The following TDRD3 variants were observed in gnomAD, a reference collection of about 807,000 sequenced individuals.
TDRD3 encodes the protein tudor domain containing 3, also known as tudor domain-containing protein 3.
Under a neutral mutation model 86.7 loss-of-function variants are expected in TDRD3, and 45 were observed. The ratio of observed to expected loss-of-function variants is 0.52; its 90% CI spans 0.41 to 0.67. The LOEUF (loss-of-function observed/expected upper bound fraction) is 0.67. Ranked by LOEUF, TDRD3 falls within the 30% of genes least tolerant of loss-of-function variation. The pLI is 0.00. For synonymous variants in TDRD3, 298 were observed against 301.7 expected, an observed-to-expected ratio of 0.99 and a Z score of 0.13; for missense variants, 814 against 889.0, an observed-to-expected ratio of 0.92 and a Z score of 1.07.
At chr13:60,542,840 T>G (rs1204334228) in intron 12 of TDRD3, among the ~76,000 whole-genome samples, 1 of 152,200 alleles carries the variant, frequency 6.6e-6, no homozygotes, top group African/African-American at 2.4e-5. Flanking sequence ...TTTTTACCTC[T>G]GGTGAGTGGT....
At chr13:60,442,065 C>G (rs906450083) in intron 2 of TDRD3, among the ~76,000 whole-genome samples, 1 of 152,256 alleles carries the variant, frequency 6.6e-6, no homozygotes, top group East Asian at 1.9e-4. Flanking sequence ...TGCCTCAGAT[C>G]TGCTATGTAA....
intron 5 of TDRD3, among the ~76,000 whole-genome samples, chr13:60,468,296 G>A (rs1019003968): frequency 3.3e-5 from 5 of 151,968 alleles, no homozygotes; most frequent in Non-Finnish European, 7.4e-5. Flanking sequence ...TTAATTAAAC[G>A]TTTTTCCATT....
chr13:60,397,769 G>C (rs1262060326), intron 1 of TDRD3, among the ~76,000 whole-genome samples: 2 of 151,806 alleles, frequency 1.3e-5, no homozygotes, highest in Non-Finnish European at 2.9e-5. Context: ...GGCTTCTCCG[G>C]GGAGGGGGTG....
chr13:60,490,526 T>C (rs1253225244), intron 7 of TDRD3, among the ~76,000 whole-genome samples: 1 of 152,140 alleles, frequency 6.6e-6, no homozygotes, highest in African/African-American at 2.4e-5. Context: ...ACATTGTACT[T>C]CATTCAAGGA....
rs566361412 is a variant in TDRD3 at position 60,408,581 on chromosome 13, T to TTTTA, written c.41+11177_41+11180dup. Among the ~76,000 whole-genome samples, 53 of 152,278 alleles carry TTTTA rather than the reference T, an allele frequency of 3.5e-4. 1 individual carries two copies. The East Asian group carries it at 8.3e-3, about 24-fold the overall frequency. On this transcript the variant is annotated intron_variant, in intron 1 of 13. Transcript: ENST00000377881. Reference sequence around the variant, plus strand: ...TGGGAACTGGGTGACTCTTGTTATGTTTTAGCAAGGAGACTGGCAACATTT... The same window carrying TTTTA: ...TGGGAACTGGGTGACTCTTGTTATGTTTTATTTAGCAAGGAGACTGGCAACATTT...
rs1404897469 is a variant in TDRD3, at chr13:60,553,531, T to C, written c.2119-13994T>C. On this transcript the variant is annotated intron_variant, in intron 12 of 13. Transcript: ENST00000377881. ...CTGCTCTAGAGATACTACCTGAGAC[T>C]GGGTAATTTATTTTTTTTAAATAAA... Among the ~76,000 whole-genome samples the C allele has an allele frequency of 2.0e-5, 3 of 151,508 alleles. No homozygotes were observed. In the East Asian group the frequency reaches 5.8e-4, roughly 29 times the overall value.
At chr13:60,428,452 A>G (rs947072309) in intron 1 of TDRD3, among the ~76,000 whole-genome samples, 3 of 152,018 alleles carry the variant, frequency 2.0e-5, no homozygotes, top group Admixed American at 2.0e-4. Flanking sequence ...CTGCCTCTGA[A>G]GGTTTGCTGA....
chr13:60,444,976 G>A (rs138212958), intron 3 of TDRD3, among the ~76,000 whole-genome samples: 1 of 149,036 alleles, frequency 6.7e-6, no homozygotes, highest in East Asian at 2.0e-4. Flanking sequence ...TTCAGAATTT[G>A]TAACTATGGC....
At chr13:60,506,408 A>G (rs1170838044) in intron 8 of TDRD3, among the ~76,000 whole-genome samples, 1 of 152,206 alleles carries the variant, frequency 6.6e-6, no homozygotes, top group Non-Finnish European at 1.5e-5. Context: ...TATGGAAAGG[A>G]GCAACCGGTA....
intron 12 of TDRD3, among the ~76,000 whole-genome samples, chr13:60,551,158 C>T (rs919732015): frequency 2.0e-5 from 3 of 152,114 alleles, no homozygotes; most frequent in Non-Finnish European, 2.9e-5. Context: ...GTCTAATTCT[C>T]TTCTTTAGCC....
chr13:60,545,896 T>G (rs564815607), intron 12 of TDRD3, among the ~76,000 whole-genome samples: 1 of 152,114 alleles, frequency 6.6e-6, no homozygotes, highest in Non-Finnish European at 1.5e-5. Flanking sequence ...TGTTTCTCTC[T>G]TTTTTCTCTT....
intron 3 of TDRD3, among the ~76,000 whole-genome samples, chr13:60,450,965 A>G (rs1323405145): frequency 6.6e-6 from 1 of 152,046 alleles, no homozygotes; most frequent in Non-Finnish European, 1.5e-5. Flanking sequence ...ACACATACAC[A>G]CACAGATCAC....
chr13:60,513,601 G>T (rs1957105243), intron 10 of TDRD3, among the ~76,000 whole-genome samples: 2 of 152,096 alleles, frequency 1.3e-5, no homozygotes, highest in African/African-American at 4.8e-5. Flanking sequence ...ATTCCCACAT[G>T]TTGTGGGAGG....
intron 3 of TDRD3, among the ~76,000 whole-genome samples, chr13:60,448,306 GCGT>G (rs1255049319): frequency 6.6e-6 from 1 of 152,090 alleles, no homozygotes; most frequent in African/African-American, 2.4e-5. Flanking sequence ...CTTCAGAAAG[GCGT>G]CGTCCTGAAG....
rs560320603 is a variant in TDRD3 at position 60,489,267 on chromosome 13, G to A, written c.717+3319G>A. Among the ~76,000 whole-genome samples the A allele has an allele frequency of 5.0e-3, 756 of 152,282 alleles. 3 individuals are homozygous for A. Among genetic ancestry groups the A allele is most frequent in the Middle Eastern group, 0.024 (7 of 294 alleles). On this transcript the variant is annotated intron_variant, in intron 7 of 13. Transcript: ENST00000377881. The stretch of plus-strand genomic sequence containing the variant: ...TTATTGATTTCTTTTAGACTGATAA[G>A]AAATTTTAGGTCATAAATTAGTTGC...
intron 5 of TDRD3, among the ~76,000 whole-genome samples, chr13:60,482,334 T>C (rs1362469844): frequency 6.6e-6 from 1 of 152,156 alleles, no homozygotes; most frequent in Non-Finnish European, 1.5e-5. Flanking sequence ...TGTTTTTTTT[T>C]CTCTTTCTCT....
chr13:60,548,826 T>C (rs1370555239), intron 12 of TDRD3, among the ~76,000 whole-genome samples: 1 of 152,156 alleles, frequency 6.6e-6, no homozygotes, highest in African/African-American at 2.4e-5. Context: ...CTTTTGATTA[T>C]TTTTTCCCAA....
chr13:60,538,369 T>C (rs1957740975), intron 12 of TDRD3, among the ~76,000 whole-genome samples: 1 of 146,640 alleles, frequency 6.8e-6, no homozygotes. Context: ...TTGTTCTAGC[T>C]AGATTTCACC....
At chr13:60,402,119 T>G (rs940160605) in intron 1 of TDRD3, among the ~76,000 whole-genome samples, 1 of 152,238 alleles carries the variant, frequency 6.6e-6, no homozygotes, top group African/African-American at 2.4e-5. Context: ...ATGAAGGGCT[T>G]CTTTTCACAT....
Sources: gnomAD v4.1 joint callset for allele counts (sites outside exome capture counted in the v4.1 genomes callset) on GRCh38, gnomAD v4.1.1 for gene constraint, MANE v1.5 for transcripts, NCBI Gene and HGNC (gene_info 2026-07-23, HGNC 2026-07-21) for gene names.